The following SNTG2 variants were observed in gnomAD, a reference collection of about 807,000 sequenced individuals.
SNTG2 encodes syntrophin gamma 2, also known as gamma-2-syntrophin.
SNTG2 carries 74 observed loss-of-function variants against 70.9 expected under a neutral mutation model. The observed-to-expected ratio is 1.04, with a 90% CI of 0.86 to 1.27. The LOEUF (loss-of-function observed/expected upper bound fraction) is 1.27, where lower values mean the gene tolerates loss of function less well. Among genes scored for constraint, SNTG2 ranks in the 50% most tolerant of loss-of-function variants. The pLI, the probability that SNTG2 is intolerant of heterozygous loss-of-function variation, is 0.00. For missense variants in SNTG2, 717 were observed against 690.7 expected (o/e 1.04, Z -0.43); for synonymous variants, 278 against 273.8 (o/e 1.02, Z -0.15).
At chr2:1,057,266 C>T (rs1292489063) in intron 1 of SNTG2, among the ~76,000 whole-genome samples, 2 of 152,118 alleles carry the variant, frequency 1.3e-5, no homozygotes, top group African/African-American at 4.8e-5. Context: ...TCATTTTTAT[C>T]TCTATTCTGG....
At chr2:1,007,827 G>T (rs1438758031) in intron 1 of SNTG2, among the ~76,000 whole-genome samples, 2 of 152,186 alleles carry the variant, frequency 1.3e-5, no homozygotes, top group Admixed American at 1.3e-4. Context: ...AGGCTGGAGT[G>T]CAGTGGTGCG....
At chr2:984,937 T>C (rs954262324) in intron 1 of SNTG2, among the ~76,000 whole-genome samples, 2 of 151,128 alleles carry the variant, frequency 1.3e-5, no homozygotes, top group South Asian at 4.2e-4. Context: ...ATTTGTTTCT[T>C]TTACATAGTT....
chr2:1,246,397 G>A (rs1677430780), intron 11 of SNTG2, among the ~76,000 whole-genome samples: 1 of 152,184 alleles, frequency 6.6e-6, no homozygotes, highest in South Asian at 2.1e-4. Context: ...CGCCCATCCT[G>A]GAGCTGGCGC....
chr2:1,187,031 G>C (rs1672292681), intron 8 of SNTG2, among the ~76,000 whole-genome samples: 1 of 152,216 alleles, frequency 6.6e-6, no homozygotes, highest in Non-Finnish European at 1.5e-5. Context: ...AGGGGCTGCA[G>C]AGACAGACCG....
At chr2:1,173,656 A>T (rs978129111) in intron 8 of SNTG2, among the ~76,000 whole-genome samples, 6 of 152,230 alleles carry the variant, frequency 3.9e-5, no homozygotes, top group African/African-American at 1.4e-4. Flanking sequence ...GCTCCCTGGG[A>T]CATGGGGCTC....
intron 16 of SNTG2, among the ~76,000 whole-genome samples, chr2:1,355,121 C>G (rs908200908): frequency 6.6e-6 from 1 of 152,238 alleles, no homozygotes; most frequent in Non-Finnish European, 1.5e-5. Flanking sequence ...CATCTCTCAA[C>G]GTTAGTGCCA....
intron 6 of SNTG2, among the ~76,000 whole-genome samples, chr2:1,147,307 G>C (rs1669165179): frequency 6.6e-6 from 1 of 152,178 alleles, no homozygotes; most frequent in Non-Finnish European, 1.5e-5. Context: ...TGTTGCCAAA[G>C]GAGATTAATA....
chr2:1,089,046 A>G (rs551986506), intron 2 of SNTG2, among the ~76,000 whole-genome samples: 1 of 152,372 alleles, frequency 6.6e-6, no homozygotes, highest in South Asian at 2.1e-4. Flanking sequence ...GAAGGCTGCA[A>G]GGATGAACCA....
intron 16 of SNTG2, among the ~76,000 whole-genome samples, chr2:1,356,980 T>A (rs1160990124): frequency 6.6e-6 from 1 of 152,098 alleles, no homozygotes. Flanking sequence ...CTGTTGTTAG[T>A]GCGTAGAAAT....
intron 16 of SNTG2, among the ~76,000 whole-genome samples, chr2:1,322,885 G>A (rs1681595182): frequency 6.6e-6 from 1 of 152,116 alleles, no homozygotes; most frequent in African/African-American, 2.4e-5. Context: ...TCCACCTTTT[G>A]AAAGAGGGCT....
intron 1 of SNTG2, among the ~76,000 whole-genome samples, chr2:1,022,989 G>T (rs1162053677): frequency 6.6e-6 from 1 of 152,184 alleles, no homozygotes; most frequent in Non-Finnish European, 1.5e-5. Context: ...AGGAGGATGT[G>T]AGACTGGCAG....
intron 1 of SNTG2, among the ~76,000 whole-genome samples, chr2:952,128 T>C (rs4296458): frequency 0.3 from 44,877 of 152,102 alleles, 6,772 homozygotes; most frequent in Admixed American, 0.37. Context: ...AAATTAAATT[T>C]CATGTAAAAT....
chr2:1,230,438 G>A (rs1026170145), intron 9 of SNTG2, among the ~76,000 whole-genome samples: 4 of 152,170 alleles, frequency 2.6e-5, no homozygotes, highest in Non-Finnish European at 5.9e-5. Context: ...TGTGAGTGAT[G>A]CCTTCACCTG....
chr2:1,239,289 T>C (rs1676891522), intron 10 of SNTG2, among the ~76,000 whole-genome samples: 1 of 152,304 alleles, frequency 6.6e-6, no homozygotes, highest in East Asian at 1.9e-4. Context: ...GGGAACATTA[T>C]GATTCTGCAC....
At chr2:1,311,989 C>G (rs1354307024) in intron 15 of SNTG2, among the ~76,000 whole-genome samples, 2 of 152,074 alleles carry the variant, frequency 1.3e-5, no homozygotes, top group East Asian at 3.9e-4. Context: ...TCCTTCGAAG[C>G]CTGTGTGTGG....
intron 4 of SNTG2, among the ~76,000 whole-genome samples, chr2:1,132,674 T>G (rs1346621180): frequency 1.3e-5 from 2 of 152,156 alleles, no homozygotes; most frequent in Non-Finnish European, 2.9e-5. Context: ...TCCGCCGCTG[T>G]TAGGCGGGTT....
At position 1,253,103 on chromosome 2, in the gene SNTG2, C is replaced by T. The variant is rs114281212; in HGVS notation, c.1005+5660C>T. ...GACAGGTTGTTAATTACTCACAGAA[C>T]GTCTCAATGCTGGTTCCCCATCCCT... On this transcript the variant is annotated intron_variant, in intron 12 of 16. Transcript: ENST00000308624. 3.6e-3 allele frequency among the ~76,000 whole-genome samples: 547 copies of T among 152,198 alleles called. 6 individuals are homozygous for T. The highest frequency in any genetic ancestry group is 0.012 in the African/African-American group (518 of 41,508).
rs1356338234 is a variant in SNTG2 at position 1,035,856 on chromosome 2, T to C, written c.73-47662T>C. Among the ~76,000 whole-genome samples the C allele has an allele frequency of 4.6e-5, 7 of 152,244 alleles. No homozygotes were observed. The East Asian group carries it at 1.3e-3, about 29-fold the overall frequency. On this transcript the variant is annotated intron_variant, in intron 1 of 16. Coordinates refer to ENST00000308624, the MANE Select transcript of SNTG2 (RefSeq NM_018968.4). ...ATCTGAAGGGGATGGAGATGGAACA[T>C]GAGTATTTGTCTACATGGGAAATCT...
intron 1 of SNTG2, among the ~76,000 whole-genome samples, chr2:1,045,128 C>A (rs2148066005): frequency 6.6e-6 from 1 of 151,964 alleles, no homozygotes; most frequent in South Asian, 2.1e-4. Flanking sequence ...TGATAGATTG[C>A]AAGTTTCCAG....
Sources: allele counts gnomAD v4.1 joint callset (sites outside exome capture counted in the v4.1 genomes callset), GRCh38; gene constraint gnomAD v4.1.1; transcripts MANE v1.5; gene names NCBI Gene and HGNC (gene_info 2026-07-23, HGNC 2026-07-21).